PDGFC: variants seen among roughly 807,000 people sequenced by gnomAD.
PDGFC encodes platelet derived growth factor C, also known as platelet-derived growth factor C.
A neutral mutation model predicts 35.5 loss-of-function variants in PDGFC; 12 were observed. The ratio of observed to expected loss-of-function variants is 0.34; its 90% CI spans 0.22 to 0.55. The LOEUF is 0.55. PDGFC is among the 20% of genes least tolerant of loss of function. PDGFC has a pLI of 0.91. For missense variants in PDGFC, 322 were observed against 412.4 expected (o/e 0.78, Z 1.90); for synonymous variants, 159 against 148.8 (o/e 1.07, Z -0.50).
At chr4:156,909,393 A>T in intron 1 of PDGFC, among the ~76,000 whole-genome samples, 1 of 152,284 alleles carries the variant, frequency 6.6e-6, no homozygotes, top group East Asian at 1.9e-4. Context: ...CTCTCTTAGC[A>T]TTGCAAATAT....
intron 4 of PDGFC, among the ~76,000 whole-genome samples, chr4:156,769,168 C>T (rs1177101324): frequency 6.6e-6 from 1 of 150,968 alleles, no homozygotes; most frequent in African/African-American, 2.4e-5. Flanking sequence ...AATACCTTTC[C>T]ACTAATATGG....
At chr4:156,807,717 A>G (rs1731807626) in intron 3 of PDGFC, among the ~76,000 whole-genome samples, 3 of 152,034 alleles carry the variant, frequency 2.0e-5, no homozygotes, top group Non-Finnish European at 4.4e-5. Flanking sequence ...CCCGATATCC[A>G]TTTATAGTCC....
chr4:156,953,325 T>C (rs972154450), intron 1 of PDGFC, among the ~76,000 whole-genome samples: 2 of 151,930 alleles, frequency 1.3e-5, no homozygotes, highest in African/African-American at 4.8e-5. Context: ...TAAAGACACC[T>C]AGCAATCTGG....
At chr4:156,891,423 G>A (rs959373799) in intron 1 of PDGFC, among the ~76,000 whole-genome samples, 8 of 147,842 alleles carry the variant, frequency 5.4e-5, no homozygotes, top group African/African-American at 1.5e-4. Context: ...GCCTCTACAC[G>A]CACAAGATTT....
rs564869665 is a variant in PDGFC at position 156,970,987 on chromosome 4, A to C, written c.-84T>G. The C allele has an allele frequency of 1.8e-4, 155 of 847,318 alleles. No individual in the cohort carries two copies. In the African/African-American group the frequency reaches 2.5e-3, roughly 14 times the overall value. 52.5% of individuals were successfully genotyped at this position (847,318 alleles called of 1,614,324 possible). The stretch of plus-strand genomic sequence containing the variant: ...AGTCTCTTTCACCACCGCCAGGGGA[A>C]GGCTGCACTGGGGTGGAAGCGCCGA... On this transcript the variant is annotated 5_prime_UTR_variant, in exon 1 of 6. Coordinates refer to ENST00000502773, the MANE Select transcript of PDGFC (RefSeq NM_016205.3).
chr4:156,844,061 C>A (rs998109971), intron 2 of PDGFC, among the ~76,000 whole-genome samples: 1 of 152,114 alleles, frequency 6.6e-6, no homozygotes, highest in Non-Finnish European at 1.5e-5. Flanking sequence ...CATCTTAGAC[C>A]AAACTCCAAA....
chr4:156,817,463 A>G (rs1368808343), intron 2 of PDGFC, among the ~76,000 whole-genome samples: 1 of 152,160 alleles, frequency 6.6e-6, no homozygotes, highest in East Asian at 1.9e-4. Context: ...ATTAGATAAA[A>G]TGGATGACTA....
At chr4:156,823,680 G>T (rs182711026) in intron 2 of PDGFC, among the ~76,000 whole-genome samples, 1 of 152,114 alleles carries the variant, frequency 6.6e-6, no homozygotes, top group Non-Finnish European at 1.5e-5. Flanking sequence ...TACTGTGAAG[G>T]TTCCTCAAAA....
chr4:156,770,786 G>A (rs1470841366), intron 4 of PDGFC: 4 of 152,026 alleles, frequency 2.6e-5, no homozygotes, highest in Non-Finnish European at 4.4e-5. Context: ...ATTTTTCTTT[G>A]TTAGTTGTTC....
chr4:156,812,152 C>G (rs866846408), intron 2 of PDGFC, among the ~76,000 whole-genome samples: 14 of 151,912 alleles, frequency 9.2e-5, no homozygotes, highest in African/African-American at 3.1e-4. Flanking sequence ...AAGAGTTACT[C>G]ACTTGGAAAA....
At chr4:156,843,600 A>C (rs2111062586) in intron 2 of PDGFC, among the ~76,000 whole-genome samples, 1 of 152,302 alleles carries the variant, frequency 6.6e-6, no homozygotes, top group African/African-American at 2.4e-5. Context: ...GGGTTCCCAC[A>C]ACATATCTTA....
rs562384317 is a variant in PDGFC at position 156,911,066 on chromosome 4, C to T, written c.118+59720G>A. 6.2e-4 allele frequency among the ~76,000 whole-genome samples: 95 copies of T among 152,246 alleles called. 3 individuals are homozygous for T. The South Asian group carries it at 0.019, about 31-fold the overall frequency. On this transcript the variant is annotated intron_variant, in intron 1 of 5. Coordinates refer to ENST00000502773, the MANE Select transcript of PDGFC (RefSeq NM_016205.3). ...TTTTCATGAAGCCAAATTTACCAGT[C>T]ATTCCTTTTGTGGGGTGTGCTTTTG...
At chr4:156,806,921 G>A (rs367879960) in intron 3 of PDGFC, among the ~76,000 whole-genome samples, 3 of 151,722 alleles carry the variant, frequency 2.0e-5, no homozygotes, top group Admixed American at 6.6e-5. Flanking sequence ...GGCTCTCACC[G>A]TGTGTGGCCT....
chr4:156,822,259 T>C (rs1431070083), intron 2 of PDGFC, among the ~76,000 whole-genome samples: 6 of 147,946 alleles, frequency 4.1e-5, no homozygotes, highest in African/African-American at 1.5e-4. Flanking sequence ...CCTGGGAGGC[T>C]GAGGCAGGAG....
intron 1 of PDGFC, among the ~76,000 whole-genome samples, chr4:156,919,545 A>G (rs1354595589): frequency 1.3e-5 from 2 of 152,096 alleles, no homozygotes; most frequent in Non-Finnish European, 1.5e-5. Flanking sequence ...GATTTTCTAT[A>G]CCCTTCAAGC....
chr4:156,909,777 C>T (rs759701423), intron 1 of PDGFC, among the ~76,000 whole-genome samples: 7 of 152,080 alleles, frequency 4.6e-5, no homozygotes, highest in Non-Finnish European at 8.8e-5. Context: ...AGTCCTAACC[C>T]CTTGAACCTG....
chr4:156,900,448 A>G (rs1322681076), intron 1 of PDGFC, among the ~76,000 whole-genome samples: 1 of 152,202 alleles, frequency 6.6e-6, no homozygotes. Context: ...GTAGAGTAAC[A>G]GACATAATGG....
chr4:156,895,963 A>C (rs1730625048), intron 1 of PDGFC, among the ~76,000 whole-genome samples: 1 of 152,170 alleles, frequency 6.6e-6, no homozygotes, highest in Non-Finnish European at 1.5e-5. Context: ...TGACTGAATC[A>C]AAAGAAGGTA....
chr4:156,848,760 A>G (rs1487598395), intron 2 of PDGFC, among the ~76,000 whole-genome samples: 1 of 152,006 alleles, frequency 6.6e-6, no homozygotes, highest in Non-Finnish European at 1.5e-5. Flanking sequence ...GAGAATGAGT[A>G]ACAAAATTTA....
Sources: allele counts gnomAD v4.1 joint callset (sites outside exome capture counted in the v4.1 genomes callset), GRCh38; gene constraint gnomAD v4.1.1; transcripts MANE v1.5; gene names NCBI Gene and HGNC (gene_info 2026-07-23, HGNC 2026-07-21).